The following NR3C1 variants were observed in gnomAD, a reference collection of about 807,000 sequenced individuals.
NR3C1 encodes the protein glucocorticoid receptor.
NR3C1 carries 14 observed loss-of-function variants against 74.0 expected under a neutral mutation model. The ratio of observed to expected loss-of-function variants is 0.19; its 90% CI spans 0.12 to 0.30. The LOEUF (loss-of-function observed/expected upper bound fraction) is 0.30. Ranked by LOEUF, NR3C1 falls within the 10% of genes least tolerant of loss-of-function variation. The pLI, the probability that NR3C1 is intolerant of heterozygous loss-of-function variation, is 1.00. For synonymous variants in NR3C1, 308 were observed against 332.5 expected, an observed-to-expected ratio of 0.93 and a Z score of 0.80; for missense variants, 695 against 909.8, an observed-to-expected ratio of 0.76 and a Z score of 3.04.
At chr5:143,327,875 C>T (rs983225173) in intron 2 of NR3C1, among the ~76,000 whole-genome samples, 3 of 152,240 alleles carry the variant, frequency 2.0e-5, no homozygotes, top group Admixed American at 6.5e-5. Context: ...CTTTTCCAGA[C>T]GTATACTGCA....
chr5:143,354,665 G>C (rs940137246), intron 2 of NR3C1, among the ~76,000 whole-genome samples: 32 of 152,266 alleles, frequency 2.1e-4, no homozygotes, highest in African/African-American at 7.5e-4. Flanking sequence ...GGCTGGCACG[G>C]TAATCCCAGC....
At chr5:143,367,120 A>G (rs1301550807) in intron 2 of NR3C1, among the ~76,000 whole-genome samples, 1 of 152,226 alleles carries the variant, frequency 6.6e-6, no homozygotes, top group Non-Finnish European at 1.5e-5. Context: ...TATGAAAATC[A>G]ATTAATGTGA....
In NR3C1 at chr5:143,304,532, A is replaced by AC. The variant is rs573718467; in HGVS notation, c.1469-3770_1469-3769insG. Among the ~76,000 whole-genome samples the AC allele has an allele frequency of 1.2e-4, 19 of 152,224 alleles. No individual in the cohort carries two copies. The South Asian group carries it at 3.9e-3, about 32-fold the overall frequency. Reference sequence around the variant, plus strand: ...ACTATTCCTATCAAACTACAATGTCATTTTTCACAGAATTAGCAAAAAGCA... The same window carrying AC: ...ACTATTCCTATCAAACTACAATGTCACTTTTTCACAGAATTAGCAAAAAGCA... On this transcript the variant is annotated intron_variant, in intron 4 of 8. Coordinates refer to ENST00000394464, the MANE Select transcript of NR3C1 (RefSeq NM_000176.3).
intron 2 of NR3C1, among the ~76,000 whole-genome samples, chr5:143,346,843 G>C (rs1273575646): frequency 6.6e-6 from 1 of 152,154 alleles, no homozygotes; most frequent in Non-Finnish European, 1.5e-5. Flanking sequence ...CAGAAAACAA[G>C]AGAATCACAA....
Position 143,293,944 on chromosome 5 carries a change from T to A in NR3C1, c.2023+1516A>T, listed in dbSNP as rs915172487. The A allele has an allele frequency of 5.1e-6, 5 of 984,828 alleles. No homozygotes were observed. The Admixed American group carries it at 3.1e-4, about 61-fold the overall frequency. 61.0% of individuals were successfully genotyped at this position (984,828 alleles called of 1,614,324 possible). On this transcript the variant is annotated intron_variant, in intron 7 of 8. Coordinates refer to ENST00000394464, the MANE Select transcript of NR3C1 (RefSeq NM_000176.3). ...ACCTTCATGGTATCAATCAAAGCTA[T>A]GATCAGAATTTTATGTAACTGCTTA...
Position 143,280,468 on chromosome 5 carries a change from GTAAA to G in NR3C1, c.*1417_*1420del, listed in dbSNP as rs1211060792. On this transcript the variant is annotated 3_prime_UTR_variant, in exon 9 of 9. Transcript: ENST00000394464. ...TAGAAATCAAATTTCTTGTGGCTTA[GTAAA>G]TATGTTAAGTTTTGAGTTTACAGAA... 1.3e-5 allele frequency: 2 copies of G among 152,564 alleles called. No homozygotes were observed. Among genetic ancestry groups the G allele is most frequent in the Admixed American group, 6.5e-5 (1 of 15,274 alleles). The allele number at this position is 152,564 out of a possible 1,614,324, so 9.5% of individuals were successfully genotyped here. A position where few individuals can be genotyped will look rare whatever the true frequency, so the allele number is the denominator to read the frequency against.
intron 7 of NR3C1, among the ~76,000 whole-genome samples, chr5:143,284,052 T>C (rs965769131): frequency 2.6e-5 from 4 of 152,266 alleles, no homozygotes; most frequent in South Asian, 2.1e-4. Flanking sequence ...GGAAAAGCTA[T>C]GGATTTAGGA....
At chr5:143,322,538 A>G (rs951818279) in intron 2 of NR3C1, among the ~76,000 whole-genome samples, 1 of 152,224 alleles carries the variant, frequency 6.6e-6, no homozygotes, top group Non-Finnish European at 1.5e-5. Context: ...AGGTAAAAAC[A>G]TTTGTCTTAA....
chr5:143,389,750 G>C (rs762966502), intron 2 of NR3C1: 3 of 154,124 alleles, frequency 1.9e-5, no homozygotes, highest in African/African-American at 7.2e-5. Flanking sequence ...CCCATGATAT[G>C]TGTTTAGTGA....
At chr5:143,357,875 C>T (rs899902611) in intron 2 of NR3C1, among the ~76,000 whole-genome samples, 3 of 152,232 alleles carry the variant, frequency 2.0e-5, no homozygotes, top group African/African-American at 4.8e-5. Flanking sequence ...TATTACTCCT[C>T]ACCTTCTCTT....
chr5:143,332,980 A>G (rs1826317869), intron 2 of NR3C1: 1 of 1,588,114 alleles, frequency 6.3e-7, no homozygotes, highest in Non-Finnish European at 8.5e-7. Context: ...GCCAAGGTCA[A>G]GAATAAGACC....
intron 2 of NR3C1, among the ~76,000 whole-genome samples, chr5:143,386,164 A>G (rs1034798685): frequency 6.6e-6 from 1 of 152,222 alleles, no homozygotes; most frequent in Non-Finnish European, 1.5e-5. Context: ...AGATCTCATG[A>G]GAACTCACTA....
chr5:143,287,364 T>G lies in NR3C1; in HGVS notation c.2024-4639A>C, dbSNP rs75932273. On this transcript the variant is annotated intron_variant, in intron 7 of 8. Transcript: ENST00000394464. ...ATAATGGAGGGGACACCTCTATGGA[T>G]CCTACAAAACTTAAAGGATTACAAA... Among the ~76,000 whole-genome samples, 41 of 152,222 alleles carry G rather than the reference T, an allele frequency of 2.7e-4. 1 individual carries two copies. The East Asian group carries it at 7.3e-3, about 27-fold the overall frequency.
Position 143,310,094 on chromosome 5 carries a change from T to C in NR3C1, c.1468+3A>G. 6.2e-7 allele frequency: 1 copy of C among 1,605,330 alleles called. No individual in the cohort carries two copies. The stretch of plus-strand genomic sequence containing the variant: ...AACAATTGCTTTCAGATATTTATAT[T>C]ACCTTCCAGGTTCATTCCAGCCTGA... On this transcript the variant is annotated splice_donor_region_variant and intron_variant, in intron 4 of 8. Transcript: ENST00000394464.
intron 1 of NR3C1, among the ~76,000 whole-genome samples, chr5:143,415,304 A>T (rs1841439389): frequency 6.6e-6 from 1 of 151,728 alleles, no homozygotes; most frequent in African/African-American, 2.4e-5. Context: ...AACTTTTATT[A>T]TGTGAAATAG....
At chr5:143,430,350 G>C (rs1209603473) in intron 1 of NR3C1, among the ~76,000 whole-genome samples, 1 of 152,108 alleles carries the variant, frequency 6.6e-6, no homozygotes, top group Non-Finnish European at 1.5e-5. Context: ...GATATCTCTG[G>C]ATGTGAGATG....
At chr5:143,398,792 T>C (rs1376147508) in intron 2 of NR3C1, among the ~76,000 whole-genome samples, 1 of 152,146 alleles carries the variant, frequency 6.6e-6, no homozygotes, top group Non-Finnish European at 1.5e-5. Context: ...TTAGAACTTT[T>C]TTCTGATAAT....
At chr5:143,285,316 T>C (rs936426624) in intron 7 of NR3C1, among the ~76,000 whole-genome samples, 1 of 152,120 alleles carries the variant, frequency 6.6e-6, no homozygotes, top group Non-Finnish European at 1.5e-5. Context: ...GATCAGTGGT[T>C]CTCAAAAGGG....
intron 6 of NR3C1, among the ~76,000 whole-genome samples, chr5:143,297,151 A>G (rs1817481190): frequency 6.6e-6 from 1 of 152,074 alleles, no homozygotes; most frequent in African/African-American, 2.4e-5. Flanking sequence ...TGAGAACACA[A>G]GAATAGGAAG....
Sources: gnomAD v4.1 joint callset for allele counts (sites outside exome capture counted in the v4.1 genomes callset) on GRCh38, gnomAD v4.1.1 for gene constraint, MANE v1.5 for transcripts, NCBI Gene and HGNC (gene_info 2026-07-23, HGNC 2026-07-21) for gene names.